The following PRKG1 variants were observed in gnomAD, a reference collection of about 807,000 sequenced individuals.
PRKG1 encodes the protein protein kinase cGMP-dependent 1.
A neutral mutation model predicts 88.1 loss-of-function variants in PRKG1; 35 were observed. That is an observed-to-expected ratio of 0.40 (90% confidence interval 0.30 to 0.53). The LOEUF is 0.53. PRKG1 is among the 20% of genes least tolerant of loss of function. The probability of loss-of-function intolerance (pLI) is 0.59; values close to 1 mark genes in which losing one functional copy is unlikely to be tolerated. For synonymous variants in PRKG1, 303 were observed against 292.5 expected (o/e 1.04, Z -0.37); for missense variants, 540 against 839.8 (o/e 0.64, Z 4.41).
intron 9 of PRKG1, among the ~76,000 whole-genome samples, chr10:52,175,741 G>A (rs752386690): frequency 6.6e-6 from 1 of 152,038 alleles, no homozygotes; most frequent in Non-Finnish European, 1.5e-5. Flanking sequence ...CTTCCCTGAT[G>A]ATTGGTATGT....
intron 3 of PRKG1, among the ~76,000 whole-genome samples, chr10:51,728,694 T>C (rs558506789): frequency 1.4e-4 from 21 of 152,098 alleles, no homozygotes; most frequent in African/African-American, 4.6e-4. Context: ...GAGTGACAAA[T>C]AAAAGGTCGG....
At position 52,288,723 on chromosome 10, in the gene PRKG1, C is replaced by T. The variant is rs771410104; in HGVS notation, c.1710-3C>T. The T allele has an allele frequency of 1.1e-5, 18 of 1,572,944 alleles. No individual in the cohort carries two copies. In the South Asian group the frequency reaches 1.9e-4, roughly 17 times the overall value. ...TCTCTTGTCGTGTCTCTCATTCTTG[C>T]AGCCCACCTTTCTCAGGCCCAGATC... On this transcript the variant is annotated splice_polypyrimidine_tract_variant and splice_region_variant and intron_variant, in intron 14 of 17. Coordinates refer to ENST00000373980, the MANE Select transcript of PRKG1 (RefSeq NM_006258.4).
chr10:51,617,960 G>C (rs540503888), intron 3 of PRKG1, among the ~76,000 whole-genome samples: 2 of 152,314 alleles, frequency 1.3e-5, no homozygotes, highest in East Asian at 3.9e-4. Context: ...TCTGGAAAAA[G>C]GATAATCATT....
intron 8 of PRKG1, among the ~76,000 whole-genome samples, chr10:52,137,823 G>A (rs1837469566): frequency 6.6e-6 from 1 of 152,014 alleles, no homozygotes; most frequent in African/African-American, 2.4e-5. Context: ...GAATATGGAA[G>A]GCTGACTGTA....
chr10:51,638,791 A>G (rs1839721436), intron 3 of PRKG1, among the ~76,000 whole-genome samples: 1 of 152,232 alleles, frequency 6.6e-6, no homozygotes, highest in Non-Finnish European at 1.5e-5. Flanking sequence ...CATTGAAACC[A>G]TTATTTCCCA....
At chr10:51,775,968 C>A (rs1015174255) in intron 3 of PRKG1, among the ~76,000 whole-genome samples, 69 of 152,078 alleles carry the variant, frequency 4.5e-4, no homozygotes, top group Non-Finnish European at 3.5e-4. Context: ...CATTGTTATT[C>A]CTTTCTTTAT....
intron 4 of PRKG1, among the ~76,000 whole-genome samples, chr10:51,828,669 T>C (rs1839934986): frequency 6.6e-6 from 1 of 152,190 alleles, no homozygotes; most frequent in Non-Finnish European, 1.5e-5. Flanking sequence ...GGCTTTGATA[T>C]AACTTTTAGT....
At position 51,278,354 on chromosome 10, in the gene PRKG1, G is replaced by T. The variant is rs187612134; in HGVS notation, c.478+125024G>T. Among the ~76,000 whole-genome samples the T allele has an allele frequency of 5.3e-5, 8 of 152,268 alleles. No individual in the cohort carries two copies. In the East Asian group the frequency reaches 1.2e-3, roughly 22 times the overall value. ...TTTGATGTGTTGCTGGATTCAGTTT[G>T]CCCGTATTCTGTTGAGGATTTTTGC... On this transcript the variant is annotated intron_variant, in intron 2 of 17. Coordinates refer to ENST00000373980, the MANE Select transcript of PRKG1 (RefSeq NM_006258.4).
intron 10 of PRKG1, among the ~76,000 whole-genome samples, chr10:52,268,664 G>A (rs1386769645): frequency 6.6e-6 from 1 of 151,988 alleles, no homozygotes; most frequent in Admixed American, 6.6e-5. Flanking sequence ...AAGGGAAGCA[G>A]CATATACTGG....
At chr10:51,895,286 C>T (rs1841816167) in intron 4 of PRKG1, among the ~76,000 whole-genome samples, 1 of 152,180 alleles carries the variant, frequency 6.6e-6, no homozygotes, top group Admixed American at 6.5e-5. Context: ...CTCTTTAGAG[C>T]CCTGTCCTTG....
chr10:51,941,251 A>G (rs1256998447), intron 5 of PRKG1, among the ~76,000 whole-genome samples: 9 of 151,966 alleles, frequency 5.9e-5, no homozygotes, highest in Non-Finnish European at 1.3e-4. Flanking sequence ...GCAAAAGATA[A>G]TAAGGAATAG....
At chr10:52,261,654 A>G (rs1365479517) in intron 10 of PRKG1, among the ~76,000 whole-genome samples, 7 of 152,080 alleles carry the variant, frequency 4.6e-5, no homozygotes, top group Non-Finnish European at 7.4e-5. Context: ...TGTGTATCCT[A>G]TGAAACAAGG....
intron 5 of PRKG1, among the ~76,000 whole-genome samples, chr10:51,941,765 C>T (rs866020961): frequency 2.0e-5 from 3 of 151,878 alleles, no homozygotes; most frequent in South Asian, 4.2e-4. Flanking sequence ...CATCCATGTC[C>T]CTACAAAGGA....
At chr10:51,188,367 C>T (rs1322236799) in intron 2 of PRKG1, among the ~76,000 whole-genome samples, 1 of 151,914 alleles carries the variant, frequency 6.6e-6, no homozygotes, top group East Asian at 1.9e-4. Context: ...TTATAGGCTA[C>T]TTTATTTCAG....
At chr10:52,216,140 G>A (rs567346076) in intron 9 of PRKG1, among the ~76,000 whole-genome samples, 33 of 152,328 alleles carry the variant, frequency 2.2e-4, no homozygotes, top group Admixed American at 5.2e-4. Flanking sequence ...AGAATGCAAA[G>A]GAGCTATTGG....
chr10:51,760,448 A>G (rs973820376), intron 3 of PRKG1, among the ~76,000 whole-genome samples: 7 of 149,396 alleles, frequency 4.7e-5, no homozygotes, highest in African/African-American at 1.5e-4. Flanking sequence ...TTATTCATTT[A>G]TTAAGTCTAT....
intron 3 of PRKG1, among the ~76,000 whole-genome samples, chr10:51,615,931 TGTAATA>T (rs1267857327): frequency 6.6e-6 from 1 of 152,182 alleles, no homozygotes; most frequent in African/African-American, 2.4e-5. Flanking sequence ...GCACATCTGA[TGTAATA>T]GTCACTTCCT....
At chr10:51,866,862 G>A (rs1841027575) in intron 4 of PRKG1, among the ~76,000 whole-genome samples, 1 of 152,174 alleles carries the variant, frequency 6.6e-6, no homozygotes, top group Non-Finnish European at 1.5e-5. Flanking sequence ...GGTTTACAAA[G>A]ATGGAGTAAA....
chr10:51,311,560 G>A (rs568213092), intron 2 of PRKG1, among the ~76,000 whole-genome samples: 1 of 152,306 alleles, frequency 6.6e-6, no homozygotes. Context: ...CCCACTTTGG[G>A]AAAGACAGAA....
Sources: allele counts gnomAD v4.1 joint callset (sites outside exome capture counted in the v4.1 genomes callset), GRCh38; gene constraint gnomAD v4.1.1; transcripts MANE v1.5; gene names NCBI Gene and HGNC (gene_info 2026-07-23, HGNC 2026-07-21).